LYST: variants seen among roughly 807,000 people sequenced by gnomAD.
LYST encodes lysosomal-trafficking regulator.
A neutral mutation model predicts 413.6 loss-of-function variants in LYST; 192 were observed. The ratio of observed to expected loss-of-function variants is 0.46; its 90% CI spans 0.41 to 0.52. The LOEUF is 0.52. Ranked by LOEUF, LYST falls within the 20% of genes least tolerant of loss-of-function variation. The probability of loss-of-function intolerance (pLI) is 0.00; values close to 1 mark genes in which losing one functional copy is unlikely to be tolerated. For synonymous variants in LYST, 1,525 were observed against 1,567.3 expected, an observed-to-expected ratio of 0.97 and a Z score of 0.64; for missense variants, 3,815 against 4,499.9, an observed-to-expected ratio of 0.85 and a Z score of 4.35.
At chr1:235,683,493 C>T (rs1322451207) in intron 48 of LYST, among the ~76,000 whole-genome samples, 1 of 152,140 alleles carries the variant, frequency 6.6e-6, no homozygotes, top group Non-Finnish European at 1.5e-5. Flanking sequence ...GGTTACAATC[C>T]CATATAACGA....
chr1:235,786,014 C>T (rs1390157873), intron 14 of LYST, among the ~76,000 whole-genome samples: 2 of 152,208 alleles, frequency 1.3e-5, no homozygotes, highest in Non-Finnish European at 2.9e-5. Context: ...ATAGGCTAGT[C>T]ATTCTAATTT....
upstream of LYST, among the ~76,000 whole-genome samples, chr1:235,868,681 C>T (rs536652668): frequency 2.6e-5 from 4 of 152,066 alleles, no homozygotes; most frequent in South Asian, 4.1e-4. Flanking sequence ...TTATTTTTTT[C>T]GGTACCAGTG....
intron 20 of LYST, among the ~76,000 whole-genome samples, chr1:235,766,904 C>T (rs1668202024): frequency 6.6e-6 from 1 of 151,960 alleles, no homozygotes; most frequent in Admixed American, 6.6e-5. Flanking sequence ...ACAATATGCT[C>T]CAGTTTACAA....
At chr1:235,708,447 T>G (rs1361854903) in intron 44 of LYST, among the ~76,000 whole-genome samples, 4 of 152,222 alleles carry the variant, frequency 2.6e-5, no homozygotes, top group African/African-American at 9.7e-5. Flanking sequence ...GGCTCTTGGC[T>G]GTTGTCTGGG....
chr1:235,664,316 A>G lies in LYST; in HGVS notation c.11195+149T>C. The G allele has an allele frequency of 1.3e-6, 1 of 744,278 alleles. No homozygotes were observed. The highest frequency in any genetic ancestry group is 2.2e-6 in the Non-Finnish European group (1 of 457,948). The allele number at this position is 744,278 out of a possible 1,614,324, so 46.1% of individuals were successfully genotyped here. A position where few individuals can be genotyped will look rare whatever the true frequency, so the allele number is the denominator to read the frequency against. ...AGCTATCTTTATTATTTAGAAATAA[A>G]ACAGGAATAACTAAAGAACCTACAC... On this transcript the variant is annotated intron_variant, in intron 51 of 52. Transcript: ENST00000389793. The surrounding 1 kb of genome is among the most constrained non-coding windows in gnomAD (Gnocchi z 4.5).
At chr1:235,670,594 G>A (rs1338912576) in intron 50 of LYST, among the ~76,000 whole-genome samples, 4 of 152,170 alleles carry the variant, frequency 2.6e-5, no homozygotes, top group Non-Finnish European at 4.4e-5. Context: ...TCAGCAACAT[G>A]GAAGGAAAAG....
chr1:235,749,320 A>ATT (rs760985186), intron 28 of LYST, among the ~76,000 whole-genome samples: 5 of 152,222 alleles, frequency 3.3e-5, no homozygotes, highest in Non-Finnish European at 7.3e-5. Flanking sequence ...CTTAGAAACA[A>ATT]TTAGAAAGCA....
At chr1:235,836,782 T>C (rs1431296189) in intron 1 of LYST, among the ~76,000 whole-genome samples, 1 of 152,182 alleles carries the variant, frequency 6.6e-6, no homozygotes, top group Non-Finnish European at 1.5e-5. Context: ...ATAGTACTGT[T>C]TACTGATAGG....
chr1:235,871,046 G>A (rs1233415314), upstream of LYST, among the ~76,000 whole-genome samples: 4 of 152,190 alleles, frequency 2.6e-5, no homozygotes, highest in African/African-American at 9.7e-5. Flanking sequence ...TTAATTTTGA[G>A]TGTCACTTTA....
At position 235,809,679 on chromosome 1, in the gene LYST, T is replaced by C. The variant is rs758549334; in HGVS notation, c.1139A>G (p.Lys380Arg). The change falls in exon 5 of 53, where the codon AAA becomes AGA. Residue 380 changes from lysine (K) to arginine (R), a missense_variant. Transcript: ENST00000389793. This position sits in a 1 kb window ranked among gnomAD's most constrained non-coding sequence, Gnocchi z 4.0. ...QPDPFAPRQK[K>R]TLQEVQEDFV... ...ATCTTCCTGAACCTCCTGCAGTGTT[T>C]TCTTTTGTCTTGGTGCAAAAGGGTC... 1.2e-6 allele frequency: 2 copies of C among 1,613,764 alleles called. No individual in the cohort carries two copies. Among genetic ancestry groups the C allele is most frequent in the South Asian group, 2.2e-5 (2 of 91,044 alleles).
chr1:235,775,942 A>C (rs565996709), intron 17 of LYST, among the ~76,000 whole-genome samples: 1 of 152,338 alleles, frequency 6.6e-6, no homozygotes, highest in Admixed American at 6.5e-5. Flanking sequence ...TTTTAGACTT[A>C]AAAACATACT....
chr1:235,805,627 TA>T (rs1282681024), intron 6 of LYST, 115 bp downstream of exon 6: 3 of 352,110 alleles, frequency 8.5e-6, no homozygotes, highest in Admixed American at 4.9e-5. Flanking sequence ...TATAACACAA[TA>T]ATATATATAT....
At chr1:235,778,811 A>G (rs939729575) in intron 16 of LYST, among the ~76,000 whole-genome samples, 1 of 152,046 alleles carries the variant, frequency 6.6e-6, no homozygotes, top group Non-Finnish European at 1.5e-5. Flanking sequence ...AACCTGCAGT[A>G]GTTTCAATCA....
chr1:235,737,916 A>AAAGTGATG lies in LYST; in HGVS notation c.8359-3258_8359-3257insCATCACTT. 27 of 1,163,406 alleles carry AAAGTGATG rather than the reference A, an allele frequency of 2.3e-5. No individual in the cohort carries two copies. The Admixed American group carries it at 3.5e-4, about 15-fold the overall frequency. 72.1% of individuals were successfully genotyped at this position (1,163,406 alleles called of 1,614,324 possible). A position where few individuals can be genotyped will look rare whatever the true frequency, so the allele number is the denominator to read the frequency against. On this transcript the variant is annotated intron_variant, in intron 31 of 52. Transcript: ENST00000389793. ...GAAGGTGCTGGAGCCGCTGCCGACGAGTCTGGATCTCACTGCCGCGTGCCC... is the reference window on the plus strand; with the variant it reads ...GAAGGTGCTGGAGCCGCTGCCGACGAAAGTGATGGTCTGGATCTCACTGCCGCGTGCCC...
At chr1:235,849,447 G>A (rs1678267960) in intron 1 of LYST, among the ~76,000 whole-genome samples, 1 of 152,004 alleles carries the variant, frequency 6.6e-6, no homozygotes, top group South Asian at 2.1e-4. Flanking sequence ...TTCCCTCTGA[G>A]AATTAAAACA....
intron 4 of LYST, among the ~76,000 whole-genome samples, chr1:235,811,493 C>G (rs777064627): frequency 6.6e-5 from 10 of 152,040 alleles, no homozygotes; most frequent in Non-Finnish European, 1.5e-4. Flanking sequence ...GAACTAGGCA[C>G]CAGGTATAGA....
chr1:235,820,267 T>C (rs1323597405), intron 3 of LYST, among the ~76,000 whole-genome samples: 1 of 152,210 alleles, frequency 6.6e-6, no homozygotes, highest in Non-Finnish European at 1.5e-5. Context: ...CACAGGCAGA[T>C]GGGCACCAGA....
chr1:235,703,011 T>C (rs775332043), intron 44 of LYST, 34 bp from the exon 45 acceptor site: 2 of 1,441,518 alleles, frequency 1.4e-6, no homozygotes, highest in Non-Finnish European at 2.0e-6. Context: ...ACAAGACATA[T>C]GTAGTAAAAA....
rs372515103 is a variant in LYST, at chr1:235,719,737, G to C, written c.9560+924C>G. ...CTAAGCAAGACTTTTCCAGTCTCTAGGAAATACAGGGGTTATGGGAACAAA... is the reference window on the plus strand; with the variant it reads ...CTAAGCAAGACTTTTCCAGTCTCTACGAAATACAGGGGTTATGGGAACAAA... On this transcript the variant is annotated intron_variant, in intron 40 of 52. Coordinates refer to ENST00000389793, the MANE Select transcript of LYST (RefSeq NM_000081.4). Among the ~76,000 whole-genome samples, 7 of 152,082 alleles carry C rather than the reference G, an allele frequency of 4.6e-5. No individual in the cohort carries two copies. The South Asian group carries it at 1.2e-3, about 27-fold the overall frequency.
Sources: gnomAD v4.1 joint callset for allele counts (sites outside exome capture counted in the v4.1 genomes callset) on GRCh38, gnomAD v4.1.1 for gene constraint, Gnocchi (gnomAD v3.1) non-coding constraint, MANE v1.5 for transcripts, NCBI Gene and HGNC (gene_info 2026-07-23, HGNC 2026-07-21) for gene names.